The following MPHOSPH9 variants were observed in gnomAD, a reference collection of about 807,000 sequenced individuals.
MPHOSPH9 encodes the protein M-phase phosphoprotein 9.
Under a neutral mutation model 145.5 loss-of-function variants are expected in MPHOSPH9, and 88 were observed. The observed-to-expected ratio is 0.60, with a 90% CI of 0.51 to 0.72. The LOEUF is 0.72. MPHOSPH9 is among the 30% of genes least tolerant of loss of function. The probability of loss-of-function intolerance (pLI) is 0.00; values close to 1 mark genes in which losing one functional copy is unlikely to be tolerated. For synonymous variants in MPHOSPH9, 435 were observed against 486.2 expected, an observed-to-expected ratio of 0.89 and a Z score of 1.39; for missense variants, 1,238 against 1,386.6, an observed-to-expected ratio of 0.89 and a Z score of 1.70.
chr12:123,167,424 T>C (rs1391219422), intron 16 of MPHOSPH9, among the ~76,000 whole-genome samples: 1 of 152,170 alleles, frequency 6.6e-6, no homozygotes, highest in African/African-American at 2.4e-5. Context: ...AGAACGACAG[T>C]ATTCCAGATA....
chr12:123,191,379 A>G (rs1369349177), intron 13 of MPHOSPH9, among the ~76,000 whole-genome samples: 4 of 152,142 alleles, frequency 2.6e-5, no homozygotes, highest in African/African-American at 9.7e-5. Flanking sequence ...GAACATACTC[A>G]GTACCAGTTC....
In MPHOSPH9 at chr12:123,194,473, T is replaced by G. The variant is rs1294132085; in HGVS notation, c.2154A>C (p.Gln718His). The G allele has an allele frequency of 3.7e-5, 60 of 1,611,872 alleles. No individual in the cohort carries two copies. In the Admixed American group the frequency reaches 9.9e-4, roughly 27 times the overall value. The change falls in exon 13 of 24, where the codon CAA becomes CAC. Residue 718 changes from glutamine to histidine, a missense_variant. By Grantham distance (24) the Gln-to-His change is conservative. Transcript: ENST00000606320. ...CATTCTCAAATGCTTCTTCTAAATC[T>G]TGCAGTCTAGATTTTAGTCGAATGA... is the stretch of plus-strand genomic sequence containing the variant. The part of the protein sequence containing the change: ...NTIIRLKSRL[Q>H]DLEEAFENAY...
In MPHOSPH9 at chr12:123,162,997, A is replaced by G; in HGVS notation, c.3029+17T>C. The G allele has an allele frequency of 1.3e-6, 2 of 1,532,208 alleles. No homozygotes were observed. The highest frequency in any genetic ancestry group is 2.9e-5 in the African/African-American group (2 of 70,000). The allele number at this position is 1,532,208 out of a possible 1,614,324, so 94.9% of individuals were successfully genotyped here. On this transcript the variant is annotated intron_variant, in intron 20 of 23. Coordinates refer to ENST00000606320, the MANE Select transcript of MPHOSPH9 (RefSeq NM_022782.4). Reference sequence around the variant, plus strand: ...ACTAATATAGTAAACTTTATTCTACAATTTTAGAGAACTTACCGAATTGGA... The same window carrying G: ...ACTAATATAGTAAACTTTATTCTACGATTTTAGAGAACTTACCGAATTGGA...
intron 13 of MPHOSPH9, among the ~76,000 whole-genome samples, chr12:123,192,624 G>A (rs111356784): frequency 0.095 from 5,100 of 53,802 alleles, 119 homozygotes; most frequent in South Asian, 0.25. Flanking sequence ...GTGAGACACC[G>A]TCTCAAAAAA....
intron 12 of MPHOSPH9, among the ~76,000 whole-genome samples, chr12:123,197,857 G>C (rs1456951229): frequency 1.3e-5 from 2 of 151,376 alleles, no homozygotes; most frequent in Non-Finnish European, 2.9e-5. Flanking sequence ...GCCGAGGCAG[G>C]AGGATCACAA....
chr12:123,201,032 C>T (rs188995495), intron 11 of MPHOSPH9, among the ~76,000 whole-genome samples: 41 of 152,192 alleles, frequency 2.7e-4, no homozygotes, highest in Admixed American at 2.3e-3. Flanking sequence ...CTGTTTGTGT[C>T]GTAAAAAACC....
chr12:123,169,071 G>A (rs373772803), intron 16 of MPHOSPH9, among the ~76,000 whole-genome samples: 10 of 151,218 alleles, frequency 6.6e-5, no homozygotes, highest in Non-Finnish European at 1.2e-4. Flanking sequence ...TTTTTAGTAG[G>A]GATGGGGTTT....
intron 13 of MPHOSPH9, among the ~76,000 whole-genome samples, chr12:123,188,839 ACTC>A (rs747279664): frequency 5.9e-5 from 9 of 151,924 alleles, no homozygotes; most frequent in South Asian, 2.1e-4. Flanking sequence ...CAAAAGCAAA[ACTC>A]CTTCTCAAAA....
In MPHOSPH9 at chr12:123,224,413, C is replaced by T. The variant is rs918319821; in HGVS notation, c.259-1286G>A. On this transcript the variant is annotated intron_variant, in intron 3 of 23. Coordinates refer to ENST00000606320, the MANE Select transcript of MPHOSPH9 (RefSeq NM_022782.4). ...CCTCCCAAAGTGCTGGGATTACAGG[C>T]GTGAGCCACTGCACCCAGCCGAATT... Among the ~76,000 whole-genome samples, 12 of 152,066 alleles carry T rather than the reference C, an allele frequency of 7.9e-5. No individual in the cohort carries two copies. In the East Asian group the frequency reaches 9.7e-4, roughly 12 times the overall value.
chr12:123,202,761 C>T lies in MPHOSPH9; in HGVS notation c.1644G>A (p.Ser548=), dbSNP rs375561998. The T allele has an allele frequency of 1.1e-4, 182 of 1,614,064 alleles. No homozygotes were observed. The highest frequency in any genetic ancestry group is 1.5e-4 in the Non-Finnish European group (172 of 1,180,002). ...TGTTTTCTTCATCTACAGTGTTGAC[C>T]GAGATATCATTACTAGTAATGGTAT... ...SVYTITSNDI[S]VNTVDEENTV... Residue 548 remains serine (S), a synonymous_variant, in exon 10 of 24, where the codon TCG becomes TCA. Transcript: ENST00000606320.
intron 5 of MPHOSPH9, among the ~76,000 whole-genome samples, chr12:123,220,399 A>G (rs946189045): frequency 6.6e-6 from 1 of 151,622 alleles, no homozygotes; most frequent in Non-Finnish European, 1.5e-5. Flanking sequence ...CTCTGTCTCT[A>G]CTGAAAATAC....
chr12:123,229,244 T>A (rs1394898106), intron 2 of MPHOSPH9, among the ~76,000 whole-genome samples: 1 of 152,182 alleles, frequency 6.6e-6, no homozygotes, highest in African/African-American at 2.4e-5. Flanking sequence ...TCTTTATAGA[T>A]GCTCTCCTCT....
At chr12:123,172,575 C>T (rs2044632562) in intron 16 of MPHOSPH9, among the ~76,000 whole-genome samples, 1 of 152,156 alleles carries the variant, frequency 6.6e-6, no homozygotes, top group African/African-American at 2.4e-5. Flanking sequence ...TCAGGTGATC[C>T]ACCTGCCTTG....
chr12:123,219,193 C>T (rs188053827), intron 5 of MPHOSPH9, among the ~76,000 whole-genome samples: 25 of 152,190 alleles, frequency 1.6e-4, no homozygotes, highest in African/African-American at 6.0e-4. Flanking sequence ...GTGTGAGCCA[C>T]TGCGCCCAGC....
intron 11 of MPHOSPH9, among the ~76,000 whole-genome samples, 160 bp downstream of exon 11, chr12:123,202,004 G>A (rs561906171): frequency 6.6e-6 from 1 of 152,290 alleles, no homozygotes; most frequent in South Asian, 2.1e-4. Flanking sequence ...AGTTATTAGT[G>A]TATTATAAGA....
intron 13 of MPHOSPH9, among the ~76,000 whole-genome samples, chr12:123,184,332 AC>A (rs773271272): frequency 6.6e-6 from 1 of 150,448 alleles, no homozygotes; most frequent in Non-Finnish European, 1.5e-5. Flanking sequence ...AAACTGAACA[AC>A]CCCAGAAAAA....
At chr12:123,208,269 G>A (rs2046535144) in intron 8 of MPHOSPH9, among the ~76,000 whole-genome samples, 1 of 151,588 alleles carries the variant, frequency 6.6e-6, no homozygotes, top group African/African-American at 2.4e-5. Context: ...GCCGGGCGCA[G>A]TGGTGCATGC....
chr12:123,179,573 TCAA>T lies in MPHOSPH9; in HGVS notation c.2354+350_2354+352del, dbSNP rs568127387. ...CTGCGTGACAGAGTAAGACTCTGTA[TCAA>T]CAACAACAACAACAAAAAATCAGCC... On this transcript the variant is annotated intron_variant, in intron 15 of 23. Transcript: ENST00000606320. Among the ~76,000 whole-genome samples the T allele has an allele frequency of 4.0e-5, 6 of 151,672 alleles. No homozygotes were observed. The East Asian group carries it at 9.7e-4, about 25-fold the overall frequency.
In MPHOSPH9 at chr12:123,160,783, G is replaced by C. The variant is rs1015829587; in HGVS notation, c.3448C>G (p.Gln1150Glu). ...GRITLQTRLN[Q>E]EALEDRLERI... ...AGATTCAAGCTAAGACATTTCACCT[G>C]ATTTAATCTTGTCTGTAAAGTGATT... The change falls in exon 23 of 24, where the codon CAG becomes GAG. Residue 1150 changes from glutamine (Q) to glutamate (E), a missense_variant and splice_region_variant. Around this residue, in one of 3 missense-constraint regions of MPHOSPH9, gnomAD observed 393 missense variants for 462.5 expected, o/e 0.85. Coordinates refer to ENST00000606320, the MANE Select transcript of MPHOSPH9 (RefSeq NM_022782.4). The C allele has an allele frequency of 1.2e-6, 2 of 1,613,504 alleles. No homozygotes were observed. Among genetic ancestry groups the C allele is most frequent in the East Asian group, 4.5e-5 (2 of 44,876 alleles).
Sources: allele counts gnomAD v4.1 joint callset (sites outside exome capture counted in the v4.1 genomes callset), GRCh38; gene constraint gnomAD v4.1.1; regional missense constraint gnomAD v4.1.1; transcripts MANE v1.5; gene names NCBI Gene and HGNC (gene_info 2026-07-23, HGNC 2026-07-21).